Variants in EYS observed in about 807,000 individuals in gnomAD.
The protein encoded by EYS is protein eyes shut homolog.
In EYS, 250 loss-of-function variants were observed where a neutral mutation model predicts 282.1. The ratio of observed to expected loss-of-function variants is 0.89; its 90% confidence interval spans 0.80 to 0.98. The LOEUF is 0.98. Ranked by LOEUF, EYS falls within the 50% of genes least tolerant of loss-of-function variation. The pLI, the probability that EYS is intolerant of heterozygous loss-of-function variation, is 0.00. For synonymous variants in EYS, 1,355 were observed against 1,282.9 expected, an observed-to-expected ratio of 1.06 and a Z score of -1.20; for missense variants, 4,016 against 3,709.0, an observed-to-expected ratio of 1.08 and a Z score of -2.15.
At chr6:65,155,180 C>T (rs748432516) in intron 12 of EYS, among the ~76,000 whole-genome samples, 1 of 151,440 alleles carries the variant, frequency 6.6e-6, no homozygotes, top group Non-Finnish European at 1.5e-5. Flanking sequence ...TTTCAGGTAA[C>T]ATTCTATCAG....
chr6:65,140,935 G>A (rs1156324162), intron 12 of EYS, among the ~76,000 whole-genome samples: 16 of 150,694 alleles, frequency 1.1e-4, no homozygotes, highest in South Asian at 2.1e-4. Context: ...TCAGTGTGGC[G>A]ATTCCTCAGG....
At chr6:64,705,807 T>A (rs1318880734) in intron 22 of EYS, among the ~76,000 whole-genome samples, 1 of 126,106 alleles carries the variant, frequency 7.9e-6, no homozygotes, top group South Asian at 2.8e-4. Context: ...AAGGGGAACA[T>A]CACACTCTGG....
chr6:64,997,793 T>C (rs1771321134), intron 13 of EYS, 90 bp from the exon 14 acceptor site: 11 of 1,191,694 alleles, frequency 9.2e-6, no homozygotes, highest in Admixed American at 2.7e-5. Context: ...TAATCATTTA[T>C]GTAGTTCACT....
chr6:64,824,387 A>C (rs1764986807), intron 19 of EYS, among the ~76,000 whole-genome samples: 1 of 152,006 alleles, frequency 6.6e-6, no homozygotes, highest in Admixed American at 6.6e-5. Context: ...TTATTGGTAC[A>C]TCATACGTTT....
intron 33 of EYS, among the ~76,000 whole-genome samples, chr6:64,061,591 TGGAG>T (rs1771172316): frequency 6.6e-6 from 1 of 152,120 alleles, no homozygotes; most frequent in Non-Finnish European, 1.5e-5. Context: ...TAGATTTAGT[TGGAG>T]GAAGTACTGG....
chr6:64,591,172 T>C lies in EYS; in HGVS notation c.4695A>G (p.Lys1565=). ...CTTGATCTGAGAATTCACGAGAGGA[T>C]TTTATTTCAGTCATAGAACATGTTG... ...TCATCSMTEI[K]SSREFSDQVL... The change falls in exon 26 of 43, where the codon AAA becomes AAG. Residue 1565 remains lysine (K), a synonymous_variant. Transcript: ENST00000503581. The C allele has an allele frequency of 1.3e-6, 2 of 1,551,352 alleles. No individual in the cohort carries two copies. Among genetic ancestry groups the C allele is most frequent in the Non-Finnish European group, 1.7e-6 (2 of 1,146,780 alleles).
intron 31 of EYS, among the ~76,000 whole-genome samples, chr6:64,144,910 G>A (rs1166856476): frequency 6.6e-6 from 1 of 152,006 alleles, no homozygotes; most frequent in Non-Finnish European, 1.5e-5. Flanking sequence ...CTCAATAAGG[G>A]GTCCTTCTGT....
chr6:65,010,838 A>G (rs1583394576), intron 13 of EYS, among the ~76,000 whole-genome samples: 1 of 152,214 alleles, frequency 6.6e-6, no homozygotes, highest in Non-Finnish European at 1.5e-5. Flanking sequence ...GGGAACACCT[A>G]TCAAACATCA....
intron 1 of EYS, 92 bp from the exon 2 acceptor site, chr6:65,639,984 C>T (rs1767221955): frequency 6.6e-6 from 1 of 152,058 alleles, no homozygotes; most frequent in Non-Finnish European, 1.5e-5. Context: ...GGATATAATC[C>T]CCTCCTTTCA....
At position 64,099,114 on chromosome 6, in the gene EYS, C is replaced by T. The variant is rs571521476; in HGVS notation, c.6425-17112G>A. Reference sequence around the variant, plus strand: ...TGTCCTCATCATTCCAGTGAAACAACTGTCACTAAAATTATCATTGAATTC... The same window carrying T: ...TGTCCTCATCATTCCAGTGAAACAATTGTCACTAAAATTATCATTGAATTC... On this transcript the variant is annotated intron_variant, in intron 31 of 42. Transcript: ENST00000503581. Among the ~76,000 whole-genome samples the T allele has an allele frequency of 2.0e-5, 3 of 152,266 alleles. No individual in the cohort carries two copies. In the East Asian group the frequency reaches 5.8e-4, roughly 29 times the overall value.
chr6:65,332,595 A>G (rs1582150440), intron 11 of EYS, among the ~76,000 whole-genome samples: 1 of 151,398 alleles, frequency 6.6e-6, no homozygotes, highest in Non-Finnish European at 1.5e-5. Context: ...AGATTTGCCT[A>G]TAGTTTTCTT....
At chr6:64,370,768 A>C (rs957417957) in intron 29 of EYS, among the ~76,000 whole-genome samples, 1 of 152,040 alleles carries the variant, frequency 6.6e-6, no homozygotes, top group Non-Finnish European at 1.5e-5. Context: ...TGTTTCCAGG[A>C]ATTTTTCCAT....
chr6:64,554,660 T>C (rs1167202434), intron 26 of EYS, among the ~76,000 whole-genome samples: 1 of 151,886 alleles, frequency 6.6e-6, no homozygotes, highest in Non-Finnish European at 1.5e-5. Flanking sequence ...TGAAAATGCA[T>C]AAGAAACTTG....
chr6:65,226,970 C>G (rs1284786087), intron 12 of EYS, among the ~76,000 whole-genome samples: 1 of 152,098 alleles, frequency 6.6e-6, no homozygotes, highest in Non-Finnish European at 1.5e-5. Context: ...TGCAGTGGCT[C>G]ACGCCTGTAA....
intron 33 of EYS, among the ~76,000 whole-genome samples, chr6:64,031,271 G>T (rs751079680): frequency 2.6e-5 from 4 of 152,206 alleles, no homozygotes; most frequent in African/African-American, 9.6e-5. Flanking sequence ...CGGCACCACC[G>T]GCCCTGGGCA....
At chr6:63,884,596 G>A (rs1413482436) in intron 35 of EYS, among the ~76,000 whole-genome samples, 1 of 151,970 alleles carries the variant, frequency 6.6e-6, no homozygotes, top group Admixed American at 6.6e-5. Context: ...TTCGTGCATG[G>A]GGAGCAAAAA....
chr6:64,518,617 G>A (rs1777634853), intron 26 of EYS, among the ~76,000 whole-genome samples: 1 of 151,562 alleles, frequency 6.6e-6, no homozygotes, highest in African/African-American at 2.4e-5. Context: ...GAATGATATG[G>A]TTTGGCTGCG....
At chr6:65,674,690 G>T (rs1768515079) in intron 1 of EYS, among the ~76,000 whole-genome samples, 1 of 151,666 alleles carries the variant, frequency 6.6e-6, no homozygotes, top group African/African-American at 2.4e-5. Context: ...AACAAAAGTT[G>T]AGGTAGTTTA....
chr6:64,202,844 C>T (rs1368665588), intron 31 of EYS, among the ~76,000 whole-genome samples: 2 of 152,148 alleles, frequency 1.3e-5, no homozygotes, highest in Non-Finnish European at 2.9e-5. Flanking sequence ...TCAAGGAATG[C>T]TTTGGAGACA....
Sources: allele counts gnomAD v4.1 joint callset (sites outside exome capture counted in the v4.1 genomes callset), GRCh38; gene constraint gnomAD v4.1.1; transcripts MANE v1.5; gene names NCBI Gene and HGNC (gene_info 2026-07-23, HGNC 2026-07-21).